Variants in GLIS3 observed in about 807,000 individuals in gnomAD.
The protein encoded by GLIS3 is GLIS family zinc finger 3.
GLIS3 carries 53 observed loss-of-function variants against 78.6 expected under a neutral mutation model. The observed-to-expected ratio is 0.67, with a 90% CI of 0.54 to 0.85. The LOEUF is 0.85. Among genes scored for constraint, GLIS3 ranks in the 40% least tolerant of loss-of-function variants. The probability of loss-of-function intolerance (pLI) is 0.00; values close to 1 mark genes in which losing one functional copy is unlikely to be tolerated. For missense variants in GLIS3, 1,703 were observed against 1,231.1 expected (o/e 1.38, Z -5.74); for synonymous variants, 684 against 509.9 (o/e 1.34, Z -4.60).
At chr9:3,934,184 T>G (rs930882012) in intron 5 of GLIS3, among the ~76,000 whole-genome samples, 6 of 152,160 alleles carry the variant, frequency 3.9e-5, no homozygotes, top group South Asian at 4.1e-4. Flanking sequence ...TTTTCTGAAT[T>G]TGCATAGCCT....
chr9:4,296,887 A>C (rs1816563483), intron 1 of GLIS3, among the ~76,000 whole-genome samples: 1 of 137,222 alleles, frequency 7.3e-6, no homozygotes, highest in Non-Finnish European at 1.5e-5. Context: ...CTTACACCTC[A>C]GCTTGTTCTC....
Position 4,012,860 on chromosome 9 carries a change from C to T in GLIS3, c.1711-75671G>A, listed in dbSNP as rs147573788. On this transcript the variant is annotated intron_variant, in intron 4 of 10. Transcript: ENST00000381971. ...CAATCTCAGCTCACTGCAACCTCAA[C>T]CTTCTGGGTTCAAGTAATTCTCCTG... Among the ~76,000 whole-genome samples, 565 of 141,218 alleles carry T rather than the reference C, an allele frequency of 4.0e-3. 6 individuals carry two copies. Among genetic ancestry groups the T allele is most frequent in the African/African-American group, 0.013 (499 of 38,982 alleles). The allele number at this position is 141,218 out of a possible 152,430, so 92.6% of individuals were successfully genotyped here. A position where few individuals can be genotyped will look rare whatever the true frequency, so the allele number is the denominator to read the frequency against.
intron 4 of GLIS3, among the ~76,000 whole-genome samples, chr9:3,947,918 A>G (rs952695594): frequency 2.6e-5 from 4 of 152,202 alleles, no homozygotes; most frequent in South Asian, 4.1e-4. Flanking sequence ...TGCACTTCTT[A>G]AATATAAATC....
At position 4,110,435 on chromosome 9, in the gene GLIS3, C is replaced by A. The variant is rs373357017; in HGVS notation, c.1710+7333G>T. On this transcript the variant is annotated intron_variant, in intron 4 of 10. Transcript: ENST00000381971. Reference sequence around the variant, plus strand: ...ATCATTTAAAAAATTATTCAAAATTCTCCTTCTAACAGATTAACCATTCTC... The same window carrying A: ...ATCATTTAAAAAATTATTCAAAATTATCCTTCTAACAGATTAACCATTCTC... Among the ~76,000 whole-genome samples the A allele has an allele frequency of 2.0e-5, 3 of 152,292 alleles. No individual in the cohort carries two copies. The East Asian group carries it at 5.8e-4, about 29-fold the overall frequency.
intron 4 of GLIS3, among the ~76,000 whole-genome samples, chr9:4,042,768 AAT>A (rs1255684691): frequency 7.2e-5 from 11 of 152,320 alleles, no homozygotes; most frequent in Non-Finnish European, 1.2e-4. Flanking sequence ...TTTGGAAAAC[AAT>A]ATATGATTTT....
At position 3,898,832 on chromosome 9, in the gene GLIS3, G is replaced by A. The variant is rs934809482; in HGVS notation, c.1987C>T (p.Arg663Trp). 13 of 1,613,922 alleles carry A rather than the reference G, an allele frequency of 8.1e-6. No homozygotes were observed. The highest frequency in any genetic ancestry group is 1.7e-4 in the Middle Eastern group (1 of 6,016). The change falls in exon 7 of 11, where the codon CGG (arginine) becomes TGG (tryptophan). Residue 663 changes from arginine to tryptophan, a missense_variant. Physicochemically the swap from Arg to Trp is moderately radical, Grantham distance 101 (BLOSUM62 -3). Transcript: ENST00000381971. ...SKEQQARKKLRSSTELHPDLL... is the reference protein window; with the variant it reads ...SKEQQARKKLWSSTELHPDLL... ...TCTGGATGGAGCTCTGTGCTGGACC[G>A]CAACTAAGAGGACAAAACGGAAGAG... is the stretch of plus-strand genomic sequence containing the variant.
At chr9:4,306,901 A>G (rs916831447) in intron 4 of GLIS3, among the ~76,000 whole-genome samples, 1 of 152,254 alleles carries the variant, frequency 6.6e-6, no homozygotes, top group Non-Finnish European at 1.5e-5. Flanking sequence ...AGGGCCCAAC[A>G]GTTAGACAAT....
chr9:3,987,575 G>A (rs1185040970), intron 4 of GLIS3, among the ~76,000 whole-genome samples: 1 of 151,010 alleles, frequency 6.6e-6, no homozygotes, highest in Admixed American at 6.6e-5. Flanking sequence ...TGTGGTGGGC[G>A]CCTGTAATCC....
intron 4 of GLIS3, among the ~76,000 whole-genome samples, chr9:3,990,875 T>C (rs1461710817): frequency 6.6e-6 from 1 of 152,182 alleles, no homozygotes; most frequent in East Asian, 1.9e-4. Context: ...ATATACAGGT[T>C]CATCCCTGAC....
chr9:4,128,243 C>T (rs1832721255), intron 2 of GLIS3, among the ~76,000 whole-genome samples: 1 of 152,220 alleles, frequency 6.6e-6, no homozygotes, highest in Non-Finnish European at 1.5e-5. Context: ...ATGACCTCCT[C>T]CTCCACTACC....
chr9:4,455,981 T>C, the GLIS3 span, among the ~76,000 whole-genome samples: 1 of 151,968 alleles, frequency 6.6e-6, no homozygotes, highest in African/African-American at 2.4e-5. Flanking sequence ...GGGTGTGGTG[T>C]TGCACACTCC....
At chr9:4,085,238 T>A (rs1828918122) in intron 4 of GLIS3, among the ~76,000 whole-genome samples, 1 of 151,012 alleles carries the variant, frequency 6.6e-6, no homozygotes, top group Non-Finnish European at 1.5e-5. Flanking sequence ...TTATAATCAA[T>A]CAGTTTGCCT....
At chr9:3,878,054 G>A (rs907814662) in intron 8 of GLIS3, among the ~76,000 whole-genome samples, 14 of 152,166 alleles carry the variant, frequency 9.2e-5, no homozygotes, top group African/African-American at 3.4e-4. Flanking sequence ...AAGCTACTGA[G>A]ACCGTCCCTG....
At chr9:4,252,937 T>C (rs77324928) in intron 2 of GLIS3, among the ~76,000 whole-genome samples, 2 of 152,218 alleles carry the variant, frequency 1.3e-5, no homozygotes, top group African/African-American at 4.8e-5. Context: ...GTATCACCAG[T>C]GGAGGCTGCA....
chr9:4,460,382 T>G, the GLIS3 span, among the ~76,000 whole-genome samples: 1 of 152,258 alleles, frequency 6.6e-6, no homozygotes, highest in Non-Finnish European at 1.5e-5. Flanking sequence ...GAATGAACTC[T>G]GCACATACTG....
In GLIS3 at chr9:3,857,255, A is replaced by G. The variant is rs569452067; in HGVS notation, c.2298-1071T>C. 4.0e-5 allele frequency among the ~76,000 whole-genome samples: 6 copies of G among 150,396 alleles called. No homozygotes were observed. In the East Asian group the frequency reaches 1.2e-3, roughly 29 times the overall value. On this transcript the variant is annotated intron_variant, in intron 8 of 10. Transcript: ENST00000381971. Reference sequence around the variant, plus strand: ...TAATCAGCTGTTCCTTACACTGTGTAGAAAGACAGGCTTTGTTTTGCAGTA... The same window carrying G: ...TAATCAGCTGTTCCTTACACTGTGTGGAAAGACAGGCTTTGTTTTGCAGTA...
At chr9:3,878,869 A>C (rs1452824039) in intron 8 of GLIS3, 1 of 160,994 alleles carries the variant, frequency 6.2e-6, no homozygotes, top group Non-Finnish European at 1.4e-5. Context: ...ACAGAAGCAC[A>C]CGAGATTGGG....
At chr9:4,472,761 A>T in the GLIS3 span, among the ~76,000 whole-genome samples, 1 of 152,196 alleles carries the variant, frequency 6.6e-6, no homozygotes, top group Non-Finnish European at 1.5e-5. Context: ...CATAATTTAA[A>T]AAAGAACTAA....
chr9:4,388,472 T>C, the GLIS3 span, among the ~76,000 whole-genome samples: 2 of 150,898 alleles, frequency 1.3e-5, no homozygotes, highest in East Asian at 3.9e-4. Flanking sequence ...AGGTCAGGAG[T>C]TCGAGAGCAT....
Sources: gnomAD v4.1 joint callset for allele counts (sites outside exome capture counted in the v4.1 genomes callset) on GRCh38, gnomAD v4.1.1 for gene constraint, MANE v1.5 for transcripts, NCBI Gene and HGNC (gene_info 2026-07-23, HGNC 2026-07-21) for gene names.